Variants in VANGL1 observed in about 807,000 individuals in gnomAD.
VANGL1 encodes the protein VANGL planar cell polarity protein 1.
In VANGL1, 18 loss-of-function variants were observed where a neutral mutation model predicts 48.4. The ratio of observed to expected loss-of-function variants is 0.37; its 90% CI spans 0.26 to 0.55. VANGL1 has a LOEUF of 0.55. Among genes scored for constraint, VANGL1 ranks in the 20% least tolerant of loss-of-function variants. The probability of loss-of-function intolerance (pLI) is 0.81; values close to 1 mark genes in which losing one functional copy is unlikely to be tolerated. For missense variants in VANGL1, 667 were observed against 675.8 expected (o/e 0.99, Z 0.14); for synonymous variants, 257 against 261.8 (o/e 0.98, Z 0.18).
At chr1:115,657,351 T>C (rs1652390136) in intron 2 of VANGL1, among the ~76,000 whole-genome samples, 1 of 152,148 alleles carries the variant, frequency 6.6e-6, no homozygotes, top group African/African-American at 2.4e-5. Context: ...TAGGTGTGAA[T>C]AGAAGTGGTG....
chr1:115,677,585 C>T (rs890560236), intron 4 of VANGL1, among the ~76,000 whole-genome samples: 2 of 152,146 alleles, frequency 1.3e-5, no homozygotes, highest in Non-Finnish European at 2.9e-5. Context: ...CACAACTAGG[C>T]GTACCTTCAT....
In VANGL1 at chr1:115,685,393, G is replaced by A. The variant is rs778366057; in HGVS notation, c.1180G>A (p.Ala394Thr). The change falls in exon 7 of 8, where the codon GCC (alanine) becomes ACC (threonine). Residue 394 changes from alanine (A) to threonine (T), a missense_variant. Coordinates refer to ENST00000355485, the MANE Select transcript of VANGL1 (RefSeq NM_138959.3). ...PGEVMDPREA[A>T]QAIFPSMARA... ...GGAGGTGATGGACCCTAGGGAGGCC[G>A]CCCAGGCCATTTTCCCCTCCATGGC... 34 of 1,613,976 alleles carry A rather than the reference G, an allele frequency of 2.1e-5. No homozygotes were observed. Among genetic ancestry groups the A allele is most frequent in the Non-Finnish European group, 2.5e-5 (30 of 1,180,008 alleles).
intron 2 of VANGL1, among the ~76,000 whole-genome samples, chr1:115,658,962 A>AAC (rs1652444801): frequency 6.7e-6 from 1 of 149,498 alleles, no homozygotes; most frequent in African/African-American, 2.5e-5. Flanking sequence ...CACACACACA[A>AAC]ACACACACAC....
intron 2 of VANGL1, among the ~76,000 whole-genome samples, chr1:115,651,966 AG>A (rs1179638350): frequency 6.6e-6 from 1 of 152,176 alleles, no homozygotes; most frequent in African/African-American, 2.4e-5. Flanking sequence ...CTTGTTGGCC[AG>A]GATGGTCTCG....
rs1427733399 is a variant in VANGL1, at chr1:115,687,740, TG to T, written c.1314+2214del. Among the ~76,000 whole-genome samples, 2 of 130,276 alleles carry T rather than the reference TG, an allele frequency of 1.5e-5. 1 individual carries two copies. Among genetic ancestry groups the T allele is most frequent in the East Asian group, 4.2e-4 (2 of 4,764 alleles). The allele number at this position is 130,276 out of a possible 152,430, so 85.5% of individuals were successfully genotyped here. A position where few individuals can be genotyped will look rare whatever the true frequency, so the allele number is the denominator to read the frequency against. On this transcript the variant is annotated intron_variant, in intron 7 of 7. Coordinates refer to ENST00000355485, the MANE Select transcript of VANGL1 (RefSeq NM_138959.3). Reference sequence around the variant, plus strand: ...GTGTGTGTGTGTGTGTGTGTGTGTGTGTGTGTGTGTAAACCACAGGCACACG... The same window carrying T: ...GTGTGTGTGTGTGTGTGTGTGTGTGTTGTGTGTGTAAACCACAGGCACACG...
chr1:115,689,433 A>C (rs1398455093), intron 7 of VANGL1, among the ~76,000 whole-genome samples: 4 of 135,996 alleles, frequency 2.9e-5, no homozygotes, highest in Admixed American at 7.7e-5. Context: ...GGAGTTCGAG[A>C]CCAGCTTGGC....
At chr1:115,654,779 C>T (rs1652282297) in intron 2 of VANGL1, among the ~76,000 whole-genome samples, 1 of 152,132 alleles carries the variant, frequency 6.6e-6, no homozygotes, top group Non-Finnish European at 1.5e-5. Context: ...ATGTTAACTG[C>T]TTTGGGGGTG....
intron 1 of VANGL1, among the ~76,000 whole-genome samples, chr1:115,642,868 G>T (rs1570730449): frequency 6.6e-6 from 1 of 152,212 alleles, no homozygotes; most frequent in African/African-American, 2.4e-5. Context: ...CAAGCATCGC[G>T]CCTAGAGAAG....
chr1:115,653,390 A>C (rs1478621872), intron 2 of VANGL1, among the ~76,000 whole-genome samples: 1 of 152,218 alleles, frequency 6.6e-6, no homozygotes, highest in African/African-American at 2.4e-5. Flanking sequence ...TACCAGATTT[A>C]GTTATGAAAT....
intron 1 of VANGL1, 110 bp from the exon 2 acceptor site, chr1:115,651,167 G>T: frequency 3.9e-6 from 2 of 516,216 alleles, no homozygotes; most frequent in East Asian, 3.5e-5. Context: ...TCACTCGCTT[G>T]TTCCATGATA....
chr1:115,654,421 C>G (rs902334382), intron 2 of VANGL1, among the ~76,000 whole-genome samples: 1 of 149,060 alleles, frequency 6.7e-6, no homozygotes, highest in African/African-American at 2.5e-5. Context: ...GGTGTGGACT[C>G]CTGCTGACCC....
At chr1:115,653,693 A>G (rs1437222598) in intron 2 of VANGL1, among the ~76,000 whole-genome samples, 1 of 152,202 alleles carries the variant, frequency 6.6e-6, no homozygotes, top group Non-Finnish European at 1.5e-5. Context: ...ATGCCCTTGT[A>G]GTAACTTTAA....
Position 115,691,122 on chromosome 1 carries a change from T to G in VANGL1, c.1318T>G (p.Phe440Val), listed in dbSNP as rs750990274. 4.3e-5 allele frequency: 70 copies of G among 1,614,042 alleles called. No individual in the cohort carries two copies. The highest frequency in any genetic ancestry group is 2.3e-5 in the Non-Finnish European group (27 of 1,180,036). Residue 440 changes from phenylalanine (F) to valine (V), a missense_variant, in exon 8 of 8, where the codon TTC becomes GTC. Transcript: ENST00000355485. ...GGCCTTTCTCCTCTGCTTCCAGGCC[T>G]TCCTAGAACGGTACCTCAGTGCGGG... ...CITNGMTPKA[F>V]LERYLSAGPT...
Position 115,691,454 on chromosome 1 carries a change from G to T in VANGL1, c.*75G>T, listed in dbSNP as rs1653833374. The T allele has an allele frequency of 6.7e-7, 1 of 1,483,146 alleles. No homozygotes were observed. Among genetic ancestry groups the T allele is most frequent in the Admixed American group, 2.2e-5 (1 of 45,518 alleles). The allele number at this position is 1,483,146 out of a possible 1,614,324, so 91.9% of individuals were successfully genotyped here. On this transcript the variant is annotated 3_prime_UTR_variant, in exon 8 of 8. Transcript: ENST00000355485. ...AGATATATATCTATGCCAGAGGGGT[G>T]TCTTTTTTAAAAATTCTTCTTCATT...
intron 1 of VANGL1, among the ~76,000 whole-genome samples, chr1:115,650,934 G>A (rs1188067490): frequency 6.6e-6 from 1 of 151,872 alleles, no homozygotes; most frequent in South Asian, 2.1e-4. Context: ...AACTGGCAGT[G>A]GGGGGCTGGG....
intron 4 of VANGL1, among the ~76,000 whole-genome samples, chr1:115,665,345 A>G (rs1204823445): frequency 6.6e-6 from 1 of 152,240 alleles, no homozygotes; most frequent in Non-Finnish European, 1.5e-5. Context: ...CTTAGGCAGT[A>G]TATGCTGATG....
At chr1:115,668,934 A>C (rs1363599866) in intron 4 of VANGL1, among the ~76,000 whole-genome samples, 1 of 152,226 alleles carries the variant, frequency 6.6e-6, no homozygotes, top group Non-Finnish European at 1.5e-5. Context: ...CCACAGCCCT[A>C]TCCCACATTT....
At chr1:115,647,624 G>A (rs1339756338) in intron 1 of VANGL1, among the ~76,000 whole-genome samples, 4 of 152,210 alleles carry the variant, frequency 2.6e-5, no homozygotes, top group African/African-American at 4.8e-5. Context: ...CCTGAGCTGT[G>A]TATAGGCTGG....
chr1:115,666,198 G>A (rs1034244077), intron 4 of VANGL1, among the ~76,000 whole-genome samples: 1 of 152,134 alleles, frequency 6.6e-6, no homozygotes, highest in African/African-American at 2.4e-5. Flanking sequence ...TTGTTTTTTG[G>A]CCCTTAGCCC....
Sources: allele counts gnomAD v4.1 joint callset (sites outside exome capture counted in the v4.1 genomes callset), GRCh38; gene constraint gnomAD v4.1.1; transcripts MANE v1.5; gene names NCBI Gene and HGNC (gene_info 2026-07-23, HGNC 2026-07-21).